SRSF3: variants seen among roughly 807,000 people sequenced by gnomAD.
SRSF3 encodes the protein serine/arginine-rich splicing factor 3.
For synonymous variants in SRSF3, 87 were observed against 73.6 expected (o/e 1.18, Z -0.93); for missense variants, 58 against 217.1 (o/e 0.27, Z 4.61).
Position 36,602,084 on chromosome 6 carries a change from T to C in SRSF3, c.*95T>C. The C allele has an allele frequency of 8.4e-6, 13 of 1,544,206 alleles. No individual in the cohort carries two copies. Among genetic ancestry groups the C allele is most frequent in the Non-Finnish European group, 1.1e-5 (13 of 1,152,736 alleles). On this transcript the variant is annotated 3_prime_UTR_variant, in exon 6 of 6. Coordinates refer to ENST00000373715, the MANE Select transcript of SRSF3 (RefSeq NM_003017.5). ...AAGTTTTGTTTGAGACTTCATAAGC[T>C]TGGTGCATTTTTAAGATGTTTTAGC...
In SRSF3 at chr6:36,601,939, T is replaced by TG. The variant is rs752886568; in HGVS notation, c.468-23_468-22insG. 8.2e-5 allele frequency: 128 copies of TG among 1,567,218 alleles called. No homozygotes were observed. In the East Asian group the frequency reaches 8.6e-4, roughly 11 times the overall value. On this transcript the variant is annotated intron_variant, in intron 5 of 5. Transcript: ENST00000373715. The stretch of plus-strand genomic sequence containing the variant: ...AAGTTACAGATGTAATGTTTTGTTT[T>TG]CTTTTTTTTTTTTTTTTTTTAGTCG...
chr6:36,596,669 C>G, intron 1 of SRSF3, 92 bp from the exon 2 acceptor site: 6 of 1,173,054 alleles, frequency 5.1e-6, no homozygotes, highest in Non-Finnish European at 1.3e-6. Flanking sequence ...CTTAAACTCT[C>G]TTGTCCTCTC....
In SRSF3 at chr6:36,601,738, A is replaced by G. The variant is rs144212751; in HGVS notation, c.411A>G (p.Arg137=). 8.2e-5 allele frequency: 132 copies of G among 1,609,062 alleles called. No individual in the cohort carries two copies. The highest frequency in any genetic ancestry group is 1.1e-4 in the Non-Finnish European group (126 of 1,176,156). Residue 137 remains arginine, a synonymous_variant, in exon 5 of 6, where the codon AGA becomes AGG. Coordinates refer to ENST00000373715, the MANE Select transcript of SRSF3 (RefSeq NM_003017.5). The part of the protein sequence containing the change: ...RSLSRDRRRE[R]SLSRERNHKP... ...TTTCTAGAGATAGGAGAAGAGAGAG[A>G]TCGCTGTCTCGGGAGAGAAATCACA...
At position 36,604,850 on chromosome 6, in the gene SRSF3, G is replaced by C. The variant is rs1028605358; in HGVS notation, c.*2861G>C. ...GAGTTCTACATGATAAATACCCTTGGTGATGTGAGAACCACTAGTTTAGTA... is the reference window on the plus strand; with the variant it reads ...GAGTTCTACATGATAAATACCCTTGCTGATGTGAGAACCACTAGTTTAGTA... On this transcript the variant is annotated 3_prime_UTR_variant, in exon 6 of 6. Transcript: ENST00000373715. The C allele has an allele frequency of 9.2e-5, 14 of 152,264 alleles. No individual in the cohort carries two copies. Among genetic ancestry groups the C allele is most frequent in the African/African-American group, 3.4e-4 (14 of 41,532 alleles). The allele number at this position is 152,264 out of a possible 1,614,324, so 9.4% of individuals were successfully genotyped here. A position where few individuals can be genotyped will look rare whatever the true frequency, so the allele number is the denominator to read the frequency against.
intron 3 of SRSF3, chr6:36,600,890 C>G: frequency 2.8e-6 from 1 of 361,700 alleles, no homozygotes; most frequent in Non-Finnish European, 4.9e-6. Context: ...TTGGACAGAT[C>G]TGCTGTGAAG....
At chr6:36,601,854 T>A in intron 5 of SRSF3, 60 bp downstream of exon 5, 1 of 1,598,030 alleles carries the variant, frequency 6.3e-7, no homozygotes, top group Non-Finnish European at 8.5e-7. Flanking sequence ...AAGGCCTGTC[T>A]TCTAAGCCAT....
rs575911569 is a variant in SRSF3 at position 36,598,055 on chromosome 6, A to G, written c.207-794A>G. Among the ~76,000 whole-genome samples, 222 of 152,164 alleles carry G rather than the reference A, an allele frequency of 1.5e-3. 2 individuals are homozygous for G. Among genetic ancestry groups the G allele is most frequent in the African/African-American group, 5.0e-3 (207 of 41,538 alleles). On this transcript the variant is annotated intron_variant, in intron 2 of 5. Coordinates refer to ENST00000373715, the MANE Select transcript of SRSF3 (RefSeq NM_003017.5). ...GAGAGGGTGCTGTAAAATGGCCAAA[A>G]TGGTTCTGTCTTGTCTTGAACTGAT...
chr6:36,597,841 T>A (rs1282575492), intron 2 of SRSF3, among the ~76,000 whole-genome samples: 3 of 151,350 alleles, frequency 2.0e-5, no homozygotes, highest in Non-Finnish European at 2.9e-5. Context: ...CTATAATTTC[T>A]TTTTTTAAAA....
At chr6:36,599,232 G>A (rs1367617213) in intron 3 of SRSF3, among the ~76,000 whole-genome samples, 1 of 152,108 alleles carries the variant, frequency 6.6e-6, no homozygotes, top group African/African-American at 2.4e-5. Flanking sequence ...CTTTCTAGTT[G>A]CATCTTTCCA....
Position 36,596,948 on chromosome 6 carries a change from A to G in SRSF3, c.186A>G (p.Ala62=), listed in dbSNP as rs1390008060. ...AAGATCCCCGAGATGCAGCTGATGCAGTCCGAGAGCTAGATGGAAGGTGAT... is the reference window on the plus strand; with the variant it reads ...AAGATCCCCGAGATGCAGCTGATGCGGTCCGAGAGCTAGATGGAAGGTGAT... ...EFEDPRDAAD[A]VRELDGRTLC... The change falls in exon 2 of 6, where the codon GCA becomes GCG. Residue 62 remains alanine, a synonymous_variant. Coordinates refer to ENST00000373715, the MANE Select transcript of SRSF3 (RefSeq NM_003017.5). 2.5e-6 allele frequency: 4 copies of G among 1,614,080 alleles called. No homozygotes were observed. The highest frequency in any genetic ancestry group is 2.2e-5 in the South Asian group (2 of 91,070).
rs1778740689 is a variant in SRSF3 at position 36,602,831 on chromosome 6, A to G, written c.*842A>G. On this transcript the variant is annotated 3_prime_UTR_variant, in exon 6 of 6. Transcript: ENST00000373715. ...GCAAACTCAAATCTGTGAGCTTGGTACCAAGTCCAGGTATAACATTCCTAT... is the reference window on the plus strand; with the variant it reads ...GCAAACTCAAATCTGTGAGCTTGGTGCCAAGTCCAGGTATAACATTCCTAT... The G allele has an allele frequency of 1.4e-5, 3 of 208,230 alleles. No individual in the cohort carries two copies. Among genetic ancestry groups the G allele is most frequent in the Non-Finnish European group, 2.9e-5 (3 of 102,004 alleles). The allele number at this position is 208,230 out of a possible 1,614,324, so 12.9% of individuals were successfully genotyped here. A position where few individuals can be genotyped will look rare whatever the true frequency, so the allele number is the denominator to read the frequency against.
At position 36,601,940 on chromosome 6, in the gene SRSF3, CTT is replaced by C. The variant is rs778276944; in HGVS notation, c.468-4_468-3del. On this transcript the variant is annotated intron_variant, in intron 5 of 5. Transcript: ENST00000373715. ...AGTTACAGATGTAATGTTTTGTTTT[CTT>C]TTTTTTTTTTTTTTTTTAGTCGATC... 8.5e-3 allele frequency: 11,838 copies of C among 1,388,698 alleles called. No individual in the cohort carries two copies. The highest frequency in any genetic ancestry group is 0.018 in the Admixed American group (682 of 37,050). The allele number at this position is 1,388,698 out of a possible 1,614,324, so 86.0% of individuals were successfully genotyped here. A position where few individuals can be genotyped will look rare whatever the true frequency, so the allele number is the denominator to read the frequency against.
intron 1 of SRSF3, among the ~76,000 whole-genome samples, chr6:36,596,495 C>T (rs954630918): frequency 1.4e-5 from 2 of 143,224 alleles, no homozygotes; most frequent in African/African-American, 5.3e-5. Flanking sequence ...TTGTTCTCAA[C>T]GTTCCAAGGA....
At position 36,602,637 on chromosome 6, in the gene SRSF3, T is replaced by G. The variant is rs1166190955; in HGVS notation, c.*648T>G. ...GTGACATTCTTTATGTGCAAATTTG[T>G]GATTTCAAAAATGTCCTGCCAGTTT... is the stretch of plus-strand genomic sequence containing the variant. On this transcript the variant is annotated 3_prime_UTR_variant, in exon 6 of 6. Transcript: ENST00000373715. 4.6e-6 allele frequency: 1 copy of G among 215,838 alleles called. No homozygotes were observed. Among genetic ancestry groups the G allele is most frequent in the African/African-American group, 2.3e-5 (1 of 44,398 alleles). 13.4% of individuals were successfully genotyped at this position (215,838 alleles called of 1,614,324 possible).
chr6:36,594,651 T>C (rs906642682), intron 1 of SRSF3, 170 bp downstream of exon 1: 1 of 152,422 alleles, frequency 6.6e-6, no homozygotes, highest in Admixed American at 6.5e-5. Context: ...TTTCCTAGTC[T>C]TGGAGTGGAA....
chr6:36,602,098 A>G lies in SRSF3; in HGVS notation c.*109A>G. ...ACTTCATAAGCTTGGTGCATTTTTA[A>G]GATGTTTTAGCTGTTCAAATCTGTT... is the stretch of plus-strand genomic sequence containing the variant. On this transcript the variant is annotated 3_prime_UTR_variant, in exon 6 of 6. Coordinates refer to ENST00000373715, the MANE Select transcript of SRSF3 (RefSeq NM_003017.5). The G allele has an allele frequency of 2.6e-6, 4 of 1,531,420 alleles. No individual in the cohort carries two copies. The South Asian group carries it at 5.2e-5, about 20-fold the overall frequency. 94.9% of individuals were successfully genotyped at this position (1,531,420 alleles called of 1,614,324 possible).
intron 3 of SRSF3, chr6:36,599,887 C>T: frequency 1.5e-6 from 2 of 1,352,050 alleles, no homozygotes; most frequent in Non-Finnish European, 2.0e-6. Context: ...GCCCTTTCAG[C>T]GTCATGTGAC....
At chr6:36,601,100 C>T (rs1017687152) in intron 3 of SRSF3, 52 bp from the exon 4 acceptor site, 36 of 1,515,482 alleles carry the variant, frequency 2.4e-5, no homozygotes, top group Admixed American at 1.3e-4. Flanking sequence ...AAATGCCTCA[C>T]GCCATAAATA....
chr6:36,597,853 A>G (rs1011578689), intron 2 of SRSF3, among the ~76,000 whole-genome samples: 2 of 150,280 alleles, frequency 1.3e-5, no homozygotes, highest in Non-Finnish European at 3.0e-5. Flanking sequence ...TTTTTAAAAA[A>G]ATGTATATTT....
Sources: allele counts gnomAD v4.1 joint callset (sites outside exome capture counted in the v4.1 genomes callset), GRCh38; gene constraint gnomAD v4.1.1; transcripts MANE v1.5; gene names NCBI Gene and HGNC (gene_info 2026-07-23, HGNC 2026-07-21).